The following OPCML variants were observed in gnomAD, a reference collection of about 807,000 sequenced individuals.
The protein encoded by OPCML is opioid binding protein/cell adhesion molecule like, also known as opioid-binding protein/cell adhesion molecule.
A neutral mutation model predicts 37.8 loss-of-function variants in OPCML; 13 were observed. The observed-to-expected ratio is 0.34, with a 90% CI of 0.22 to 0.55. The LOEUF (loss-of-function observed/expected upper bound fraction) is 0.55. Among genes scored for constraint, OPCML ranks in the 20% least tolerant of loss-of-function variants. OPCML has a pLI of 0.91. For synonymous variants in OPCML, 176 were observed against 168.8 expected, an observed-to-expected ratio of 1.04 and a Z score of -0.33; for missense variants, 341 against 435.6, an observed-to-expected ratio of 0.78 and a Z score of 1.93.
At chr11:132,605,284 A>AC (rs1938207494) in intron 3 of OPCML, among the ~76,000 whole-genome samples, 1 of 152,106 alleles carries the variant, frequency 6.6e-6, no homozygotes, top group South Asian at 2.1e-4. Flanking sequence ...ACAGCTGGGC[A>AC]CGGTGGCTCA....
chr11:132,561,743 A>C (rs922409148), intron 3 of OPCML, among the ~76,000 whole-genome samples: 1 of 152,266 alleles, frequency 6.6e-6, no homozygotes, highest in Admixed American at 6.5e-5. Context: ...AGAAAGAGAC[A>C]TAACTGTTAA....
At chr11:133,214,507 C>G (rs1045555868) in intron 1 of OPCML, among the ~76,000 whole-genome samples, 2 of 152,112 alleles carry the variant, frequency 1.3e-5, no homozygotes, top group African/African-American at 2.4e-5. Flanking sequence ...AAAAGGCGAA[C>G]TGTTGTTTGT....
At chr11:132,996,666 T>C (rs1946894611) in intron 1 of OPCML, among the ~76,000 whole-genome samples, 1 of 151,862 alleles carries the variant, frequency 6.6e-6, no homozygotes, top group Non-Finnish European at 1.5e-5. Flanking sequence ...TATGTATTTT[T>C]TTTTCCCCGG....
At chr11:132,909,596 GT>G (rs1944356574) in intron 2 of OPCML, among the ~76,000 whole-genome samples, 2 of 152,318 alleles carry the variant, frequency 1.3e-5, no homozygotes, top group South Asian at 4.1e-4. Flanking sequence ...GCTTCAGTCC[GT>G]TGTGGAGAGG....
chr11:132,708,084 T>A (rs960153030), intron 2 of OPCML, among the ~76,000 whole-genome samples: 1 of 152,208 alleles, frequency 6.6e-6, no homozygotes, highest in African/African-American at 2.4e-5. Context: ...GGAATTTGCC[T>A]CATGTTTTGA....
At chr11:132,930,691 AT>A (rs1196298503) in intron 2 of OPCML, among the ~76,000 whole-genome samples, 6 of 152,218 alleles carry the variant, frequency 3.9e-5, no homozygotes, top group Non-Finnish European at 7.3e-5. Flanking sequence ...ACATCAAAAC[AT>A]TGTTGAAATA....
intron 2 of OPCML, among the ~76,000 whole-genome samples, chr11:132,667,448 G>T (rs1942271754): frequency 6.6e-6 from 1 of 152,172 alleles, no homozygotes; most frequent in South Asian, 2.1e-4. Flanking sequence ...CAAGGACCAG[G>T]CCTTCTTACA....
intron 3 of OPCML, among the ~76,000 whole-genome samples, chr11:132,633,261 G>A (rs1282294357): frequency 3.9e-5 from 6 of 152,036 alleles, no homozygotes; most frequent in Non-Finnish European, 8.8e-5. Context: ...GGAGTTCAGT[G>A]GTGTGATCTC....
At chr11:132,722,663 T>TA (rs1944716655) in intron 2 of OPCML, among the ~76,000 whole-genome samples, 1 of 152,096 alleles carries the variant, frequency 6.6e-6, no homozygotes, top group African/African-American at 2.4e-5. Context: ...GGTAGCTATC[T>TA]ATCATGTCTC....
intron 2 of OPCML, among the ~76,000 whole-genome samples, chr11:132,919,506 A>G (rs1944717364): frequency 6.6e-6 from 1 of 152,174 alleles, no homozygotes. Flanking sequence ...TTAGGGTCCA[A>G]TGTTAGAGCT....
chr11:132,855,032 A>G (rs1941996400), intron 2 of OPCML, among the ~76,000 whole-genome samples: 2 of 152,236 alleles, frequency 1.3e-5, no homozygotes, highest in South Asian at 4.1e-4. Context: ...TTGTAAAGCT[A>G]ATAAAAGGCT....
chr11:132,806,173 G>C (rs1044826883), intron 2 of OPCML, among the ~76,000 whole-genome samples: 1 of 152,018 alleles, frequency 6.6e-6, no homozygotes, highest in African/African-American at 2.4e-5. Flanking sequence ...TAACATAGGA[G>C]GCTGGGAAGG....
intron 2 of OPCML, among the ~76,000 whole-genome samples, chr11:132,742,358 T>C (rs981539367): frequency 1.3e-5 from 2 of 152,160 alleles, no homozygotes; most frequent in Non-Finnish European, 2.9e-5. Flanking sequence ...GGAGTTCCAG[T>C]GATGGTATTA....
chr11:133,195,283 A>G (rs1409702576), intron 1 of OPCML, among the ~76,000 whole-genome samples: 2 of 152,156 alleles, frequency 1.3e-5, no homozygotes, highest in African/African-American at 4.8e-5. Context: ...ATTCTAATCC[A>G]TAGAAGTCTC....
At chr11:132,928,696 C>G (rs1291576524) in intron 2 of OPCML, among the ~76,000 whole-genome samples, 2 of 151,970 alleles carry the variant, frequency 1.3e-5, no homozygotes, top group Non-Finnish European at 2.9e-5. Context: ...ATAAAACATT[C>G]TTCAGGATAG....
intron 4 of OPCML, among the ~76,000 whole-genome samples, chr11:132,491,634 T>A (rs1411839972): frequency 6.6e-6 from 1 of 152,264 alleles, no homozygotes; most frequent in Non-Finnish European, 1.5e-5. Flanking sequence ...CCTGAAACTA[T>A]ATTACATATT....
intron 1 of OPCML, among the ~76,000 whole-genome samples, chr11:133,296,589 G>C (rs1398418956): frequency 1.3e-5 from 2 of 152,154 alleles, no homozygotes; most frequent in African/African-American, 4.8e-5. Context: ...TTGTCCCTCT[G>C]TGCTTTTGTT....
At chr11:132,934,833 T>A (rs1945319226) in intron 2 of OPCML, among the ~76,000 whole-genome samples, 1 of 152,044 alleles carries the variant, frequency 6.6e-6, no homozygotes, top group Admixed American at 6.6e-5. Flanking sequence ...GACAAATGCA[T>A]ACAGGAATCA....
chr11:133,401,822 G>A lies in OPCML; in HGVS notation c.61+130442C>T, dbSNP rs528016615. The stretch of plus-strand genomic sequence containing the variant: ...ACTTGTTCTCTTTTAAGCTTTCAGT[G>A]AGTGGGGAAATGGTTGAGTGTAAAA... On this transcript the variant is annotated intron_variant, in intron 1 of 7. Transcript: ENST00000524381. Among the ~76,000 whole-genome samples, 27 of 152,300 alleles carry A rather than the reference G, an allele frequency of 1.8e-4. No individual in the cohort carries two copies. In the South Asian group the frequency reaches 5.6e-3, roughly 32 times the overall value.
Sources: allele counts gnomAD v4.1 joint callset (sites outside exome capture counted in the v4.1 genomes callset), GRCh38; gene constraint gnomAD v4.1.1; transcripts MANE v1.5; gene names NCBI Gene and HGNC (gene_info 2026-07-23, HGNC 2026-07-21).